Variants in MEGF6 observed in about 807,000 individuals in gnomAD.
MEGF6 encodes multiple EGF like domains 6.
MEGF6 carries 184 observed loss-of-function variants against 207.1 expected under a neutral mutation model. The observed-to-expected ratio is 0.89, with a 90% confidence interval of 0.79 to 1.00. The LOEUF (loss-of-function observed/expected upper bound fraction) is 1.00. Ranked by LOEUF, MEGF6 falls within the 50% of genes least tolerant of loss-of-function variation. The pLI, the probability that MEGF6 is intolerant of heterozygous loss-of-function variation, is 0.00. For synonymous variants in MEGF6, 1,038 were observed against 910.0 expected, an observed-to-expected ratio of 1.14 and a Z score of -2.53; for missense variants, 2,282 against 2,202.9, an observed-to-expected ratio of 1.04 and a Z score of -0.72.
At chr1:3,621,624 G>A in the MEGF6 span, among the ~76,000 whole-genome samples, 9 of 152,064 alleles carry the variant, frequency 5.9e-5, no homozygotes, top group Non-Finnish European at 1.2e-4. Flanking sequence ...CCTCAGCACC[G>A]GGGTGGCTTG....
intron 4 of MEGF6, among the ~76,000 whole-genome samples, chr1:3,544,598 T>C (rs1642644057): frequency 6.6e-6 from 1 of 151,744 alleles, no homozygotes; most frequent in African/African-American, 2.4e-5. Context: ...TGGGGAGTGC[T>C]CCACACACCG....
intron 4 of MEGF6, among the ~76,000 whole-genome samples, chr1:3,537,831 C>A (rs1642381257): frequency 6.6e-6 from 1 of 152,192 alleles, no homozygotes; most frequent in Non-Finnish European, 1.5e-5. Context: ...CGCAAAAGTG[C>A]TGGTCCATGC....
intron 3 of MEGF6, among the ~76,000 whole-genome samples, chr1:3,592,547 G>A (rs965823879): frequency 5.9e-5 from 9 of 152,190 alleles, no homozygotes; most frequent in East Asian, 1.9e-4. Context: ...CAGGGTCCCC[G>A]AACCCCCAGG....
chr1:3,622,050 G>T, the MEGF6 span, among the ~76,000 whole-genome samples: 3 of 152,206 alleles, frequency 2.0e-5, no homozygotes, highest in South Asian at 4.1e-4. Context: ...TTGGACTGTG[G>T]ACTTTTGAGT....
intron 4 of MEGF6, chr1:3,531,425 C>G: frequency 8.9e-7 from 1 of 1,126,970 alleles, no homozygotes; most frequent in Non-Finnish European, 1.1e-6. Flanking sequence ...CCGGGCGCGC[C>G]CCGCCCCTCG....
intron 5 of MEGF6, among the ~76,000 whole-genome samples, chr1:3,522,626 G>A (rs35365887): frequency 0.3 from 45,719 of 151,396 alleles, 7,781 homozygotes; most frequent in Non-Finnish European, 0.38. Context: ...TGGTGGGTGG[G>A]GTGGTCCTTG....
chr1:3,547,838 G>A (rs1642765386), intron 4 of MEGF6, among the ~76,000 whole-genome samples: 1 of 152,178 alleles, frequency 6.6e-6, no homozygotes, highest in East Asian at 1.9e-4. Context: ...CCCGGGACTT[G>A]GTCCTGGGCA....
rs754463384 is a variant in MEGF6 at position 3,493,857 on chromosome 1, C to G, written c.4301G>C (p.Cys1434Ser). ...ACAGGGTGCCCCCCCGTCACAGTCA[C>G]AGCGCTGGTGGCAGCCCTCTCCAAA... ...GSFGEGCHQR[C>S]DCDGGAPCDP... The change falls in exon 34 of 37, where the codon TGT (cysteine) becomes TCT (serine). Residue 1434 changes from cysteine to serine, a missense_variant. Cys to Ser is a moderately radical substitution (Grantham distance 112). Coordinates refer to ENST00000356575, the MANE Select transcript of MEGF6 (RefSeq NM_001409.4). 6.3e-7 allele frequency: 1 copy of G among 1,599,698 alleles called. No homozygotes were observed. Among genetic ancestry groups the G allele is most frequent in the Non-Finnish European group, 8.5e-7 (1 of 1,173,946 alleles).
intron 29 of MEGF6, among the ~76,000 whole-genome samples, chr1:3,496,413 G>A (rs557609652): frequency 1.1e-4 from 17 of 152,386 alleles, no homozygotes; most frequent in South Asian, 6.2e-4. Context: ...GCAGGTCGCC[G>A]GGCACAGCAG....
intron 4 of MEGF6, among the ~76,000 whole-genome samples, chr1:3,564,484 C>T (rs973100468): frequency 1.3e-5 from 2 of 151,972 alleles, no homozygotes; most frequent in African/African-American, 2.4e-5. Context: ...TACTCGTGTT[C>T]CTTCCCTCAC....
intron 4 of MEGF6, among the ~76,000 whole-genome samples, chr1:3,551,531 C>A (rs1276951613): frequency 6.6e-6 from 1 of 152,162 alleles, no homozygotes; most frequent in Non-Finnish European, 1.5e-5. Flanking sequence ...TGGCTGGAAA[C>A]CCTCCCTGGC....
chr1:3,529,830 C>A (rs899732500), intron 4 of MEGF6, among the ~76,000 whole-genome samples: 5 of 152,222 alleles, frequency 3.3e-5, no homozygotes, highest in Non-Finnish European at 7.3e-5. Flanking sequence ...CAAGACGCGC[C>A]CCTTCCGAAG....
At chr1:3,501,953 C>A in intron 17 of MEGF6, 32 bp from the exon 18 acceptor site, 2 of 1,406,356 alleles carry the variant, frequency 1.4e-6, no homozygotes, top group Non-Finnish European at 1.9e-6. Flanking sequence ...GCCTTAGCCG[C>A]ACCACGTGGA....
Position 3,488,764 on chromosome 1 carries a change from A to T in MEGF6, c.*1764T>A, listed in dbSNP as rs569441144. Among the ~76,000 whole-genome samples, 4 of 152,186 alleles carry T rather than the reference A, an allele frequency of 2.6e-5. No individual in the cohort carries two copies. In the South Asian group the frequency reaches 6.2e-4, roughly 24 times the overall value. Reference sequence around the variant, plus strand: ...CATTCTTTTTTCTCTGGGACTTTAGAATTTATCTTTGACATTGATGTTCTT... The same window carrying T: ...CATTCTTTTTTCTCTGGGACTTTAGTATTTATCTTTGACATTGATGTTCTT... On this transcript the variant is annotated 3_prime_UTR_variant, in exon 37 of 37. Transcript: ENST00000356575.
intron 4 of MEGF6, among the ~76,000 whole-genome samples, chr1:3,566,356 G>A (rs997398469): frequency 6.6e-6 from 1 of 152,230 alleles, no homozygotes; most frequent in Non-Finnish European, 1.5e-5. Flanking sequence ...TTAAAAATGG[G>A]CAAAATCAGC....
intron 26 of MEGF6, 28 bp downstream of exon 26, chr1:3,498,343 G>A (rs1356070469): frequency 6.3e-7 from 1 of 1,584,788 alleles, no homozygotes; most frequent in Non-Finnish European, 8.6e-7. Flanking sequence ...AGGGCCTGCA[G>A]ACCCCCCTGC....
At chr1:3,619,856 C>T in the MEGF6 span, among the ~76,000 whole-genome samples, 4 of 152,230 alleles carry the variant, frequency 2.6e-5, no homozygotes, top group African/African-American at 9.6e-5. Flanking sequence ...GGGTAATGGG[C>T]AGAGGTTGGA....
At chr1:3,593,984 G>A (rs1439531796) in intron 3 of MEGF6, among the ~76,000 whole-genome samples, 1 of 152,110 alleles carries the variant, frequency 6.6e-6, no homozygotes, top group Non-Finnish European at 1.5e-5. Flanking sequence ...GCCAGGACGG[G>A]CAACTTCAGC....
intron 4 of MEGF6, among the ~76,000 whole-genome samples, chr1:3,548,640 TGGGGCC>T (rs1470522134): frequency 2.6e-5 from 4 of 152,162 alleles, no homozygotes; most frequent in Non-Finnish European, 5.9e-5. Flanking sequence ...GTCCTGACAC[TGGGGCC>T]TTGAGGCCAG....
Sources: allele counts gnomAD v4.1 joint callset (sites outside exome capture counted in the v4.1 genomes callset), GRCh38; gene constraint gnomAD v4.1.1; transcripts MANE v1.5; gene names NCBI Gene and HGNC (gene_info 2026-07-23, HGNC 2026-07-21).